NDUFAF2: variants seen among roughly 807,000 people sequenced by gnomAD.
NDUFAF2 encodes NADH:ubiquinone oxidoreductase complex assembly factor 2.
A neutral mutation model predicts 22.8 loss-of-function variants in NDUFAF2; 13 were observed. The observed-to-expected ratio is 0.57, with a 90% CI of 0.37 to 0.91. The LOEUF (loss-of-function observed/expected upper bound fraction) is 0.91, where lower values mean the gene tolerates loss of function less well. NDUFAF2 is among the 40% of genes least tolerant of loss of function. NDUFAF2 has a pLI of 0.01. For missense variants in NDUFAF2, 162 were observed against 195.2 expected (o/e 0.83, Z 1.01); for synonymous variants, 53 against 64.2 (o/e 0.83, Z 0.84).
chr5:61,043,840 A>T (rs1412202323), intron 1 of NDUFAF2, among the ~76,000 whole-genome samples: 1 of 152,128 alleles, frequency 6.6e-6, no homozygotes, highest in African/African-American at 2.4e-5. Context: ...TCTTCAGTAC[A>T]CTGATTTCAT....
At chr5:60,959,975 A>G (rs561874317) in intron 1 of NDUFAF2, among the ~76,000 whole-genome samples, 9 of 152,280 alleles carry the variant, frequency 5.9e-5, no homozygotes, top group African/African-American at 2.2e-4. Flanking sequence ...ACACTTTCAA[A>G]CAGAAAAACA....
chr5:60,945,297 G>A lies in NDUFAF2; in HGVS notation c.42G>A (p.Ser14=). ...ATTTGTTCCGCGCCTTGTGGAGATC[G>A]CTGTCAAGGGAAGTGAAGGAGCACG... ...SQDLFRALWR[S]LSREVKEHVG... Residue 14 remains serine (S), a synonymous_variant, in exon 1 of 4, where the codon TCG becomes TCA. Coordinates refer to ENST00000296597, the MANE Select transcript of NDUFAF2 (RefSeq NM_174889.5). 2 of 1,613,878 alleles carry A rather than the reference G, an allele frequency of 1.2e-6. No homozygotes were observed. The highest frequency in any genetic ancestry group is 1.1e-5 in the South Asian group (1 of 91,026).
At chr5:61,152,666 G>T in intron 3 of NDUFAF2, 38 bp from the exon 4 acceptor site, 4 of 1,395,094 alleles carry the variant, frequency 2.9e-6, no homozygotes, top group Non-Finnish European at 2.9e-6. Context: ...TTTTTAACTA[G>T]AAATTTAATA....
At chr5:61,090,648 A>G (rs1309481899) in intron 2 of NDUFAF2, among the ~76,000 whole-genome samples, 1 of 151,974 alleles carries the variant, frequency 6.6e-6, no homozygotes, top group Admixed American at 6.6e-5. Flanking sequence ...TGTTTTCTAG[A>G]AAAAAAATCA....
At chr5:60,951,134 A>C (rs1750540371) in intron 1 of NDUFAF2, among the ~76,000 whole-genome samples, 1 of 151,856 alleles carries the variant, frequency 6.6e-6, no homozygotes, top group Non-Finnish European at 1.5e-5. Context: ...GGTTCAAGTG[A>C]TTCTCCTGCC....
chr5:61,134,253 GATAAACAGAAA>G (rs1181305855), intron 3 of NDUFAF2, among the ~76,000 whole-genome samples: 1 of 101,220 alleles, frequency 9.9e-6, no homozygotes. Flanking sequence ...AAAATGGGAG[GATAAACAGAAA>G]ATTAATAAAA....
chr5:61,040,278 A>ACGCGCGCG (rs1469467028), intron 1 of NDUFAF2, among the ~76,000 whole-genome samples: 1 of 128,864 alleles, frequency 7.8e-6, no homozygotes, highest in African/African-American at 3.7e-5. Flanking sequence ...ACACACACAC[A>ACGCGCGCG]CACACACACG....
intron 1 of NDUFAF2, among the ~76,000 whole-genome samples, chr5:61,001,505 C>T (rs1751294978): frequency 6.6e-6 from 1 of 152,056 alleles, no homozygotes; most frequent in Non-Finnish European, 1.5e-5. Flanking sequence ...GTATTTTCCC[C>T]ACCTATGCTA....
Position 61,004,801 on chromosome 5 carries a change from T to C in NDUFAF2, c.127+59419T>C, listed in dbSNP as rs1751343935. ...TTTCTGAGATAAAGTGAATTACTCATAGCATTGACCCAAAATAGTCCATTT... is the reference window on the plus strand; with the variant it reads ...TTTCTGAGATAAAGTGAATTACTCACAGCATTGACCCAAAATAGTCCATTT... On this transcript the variant is annotated intron_variant, in intron 1 of 3. Coordinates refer to ENST00000296597, the MANE Select transcript of NDUFAF2 (RefSeq NM_174889.5). 2.6e-5 allele frequency among the ~76,000 whole-genome samples: 4 copies of C among 152,082 alleles called. No homozygotes were observed. In the South Asian group the frequency reaches 8.3e-4, roughly 32 times the overall value.
Position 60,966,024 on chromosome 5 carries a change from AAC to A in NDUFAF2, c.127+20645_127+20646del, listed in dbSNP as rs1750754221. ...TTTTCCTTTTCTCTACATTGTCGAC[AAC>A]ACTTGTTACCTTTTGTCTTTTTGAT... On this transcript the variant is annotated intron_variant, in intron 1 of 3. Coordinates refer to ENST00000296597, the MANE Select transcript of NDUFAF2 (RefSeq NM_174889.5). Among the ~76,000 whole-genome samples the A allele has an allele frequency of 1.3e-5, 2 of 152,072 alleles. 1 individual carries two copies. Among genetic ancestry groups the A allele is most frequent in the South Asian group, 4.1e-4 (2 of 4,822 alleles).
intron 1 of NDUFAF2, among the ~76,000 whole-genome samples, chr5:60,965,678 G>A (rs1750750340): frequency 6.6e-6 from 1 of 152,134 alleles, no homozygotes; most frequent in African/African-American, 2.4e-5. Context: ...GTTCATTCAT[G>A]TTGTCATAAA....
chr5:60,993,199 G>T (rs1258610225), intron 1 of NDUFAF2, among the ~76,000 whole-genome samples: 1 of 152,262 alleles, frequency 6.6e-6, no homozygotes, highest in Non-Finnish European at 1.5e-5. Flanking sequence ...TTGTGAGGCT[G>T]CAGCTAGACC....
At chr5:61,128,899 A>G (rs1318480121) in intron 3 of NDUFAF2, among the ~76,000 whole-genome samples, 1 of 152,138 alleles carries the variant, frequency 6.6e-6, no homozygotes, top group Admixed American at 6.6e-5. Flanking sequence ...CAATCTACTC[A>G]ACTGACAAAG....
At chr5:61,054,728 G>T (rs1752065918) in intron 1 of NDUFAF2, among the ~76,000 whole-genome samples, 1 of 152,124 alleles carries the variant, frequency 6.6e-6, no homozygotes, top group African/African-American at 2.4e-5. Context: ...GAACTTATAG[G>T]CCTTACTCAT....
At chr5:60,984,824 A>G (rs893832587) in intron 1 of NDUFAF2, among the ~76,000 whole-genome samples, 3 of 152,120 alleles carry the variant, frequency 2.0e-5, no homozygotes. Context: ...TTTTGCATCG[A>G]TGTTCATCAG....
chr5:61,105,156 A>AT (rs957015809), intron 3 of NDUFAF2, among the ~76,000 whole-genome samples: 1 of 146,926 alleles, frequency 6.8e-6, no homozygotes, highest in African/African-American at 2.7e-5. Flanking sequence ...CCCTGCAGCT[A>AT]TTTTTTTGTT....
chr5:60,987,915 T>C (rs1751104077), intron 1 of NDUFAF2, among the ~76,000 whole-genome samples: 1 of 152,046 alleles, frequency 6.6e-6, no homozygotes, highest in Admixed American at 6.6e-5. Flanking sequence ...ATACTGGAAG[T>C]TCCAGCCAGG....
At chr5:60,952,483 G>T (rs1750560784) in intron 1 of NDUFAF2, among the ~76,000 whole-genome samples, 6 of 151,764 alleles carry the variant, frequency 4.0e-5, no homozygotes. Context: ...ACAAATATTT[G>T]GAGATTTTCT....
intron 1 of NDUFAF2, among the ~76,000 whole-genome samples, chr5:61,015,825 C>G (rs913694562): frequency 1.3e-5 from 2 of 152,162 alleles, no homozygotes; most frequent in Non-Finnish European, 2.9e-5. Flanking sequence ...TTTCCTTGCC[C>G]TGTCTTATGG....
Sources: allele counts gnomAD v4.1 joint callset (sites outside exome capture counted in the v4.1 genomes callset), GRCh38; gene constraint gnomAD v4.1.1; transcripts MANE v1.5; gene names NCBI Gene and HGNC (gene_info 2026-07-23, HGNC 2026-07-21).